The following COLEC10 variants were observed in gnomAD, a reference collection of about 807,000 sequenced individuals.
COLEC10 encodes collectin subfamily member 10.
In COLEC10, 22 loss-of-function variants were observed where a neutral mutation model predicts 28.4. The observed-to-expected ratio is 0.78, with a 90% CI of 0.55 to 1.11. The LOEUF (loss-of-function observed/expected upper bound fraction) is 1.11, where lower values mean the gene tolerates loss of function less well. Among genes scored for constraint, COLEC10 ranks in the 50% least tolerant of loss-of-function variants. The pLI is 0.00. For missense variants in COLEC10, 361 were observed against 344.1 expected, an observed-to-expected ratio of 1.05 and a Z score of -0.39; for synonymous variants, 125 against 116.1, an observed-to-expected ratio of 1.08 and a Z score of -0.49.
chr8:119,042,514 T>C (rs964123200), intron 2 of COLEC10, among the ~76,000 whole-genome samples: 1 of 152,194 alleles, frequency 6.6e-6, no homozygotes, highest in Non-Finnish European at 1.5e-5. Flanking sequence ...TGCCACTTCC[T>C]GGCTTTGTAA....
the COLEC10 span, among the ~76,000 whole-genome samples, chr8:118,973,464 T>C: frequency 0.051 from 7,751 of 152,016 alleles, 301 homozygotes; most frequent in East Asian, 0.17. Flanking sequence ...AGTTCCTTTT[T>C]GGCTGTTGGT....
At chr8:119,057,458 C>T (rs541259484) in intron 2 of COLEC10, among the ~76,000 whole-genome samples, 2 of 152,030 alleles carry the variant, frequency 1.3e-5, no homozygotes, top group East Asian at 1.9e-4. Flanking sequence ...CCTGATCCAA[C>T]CTAGATCAGG....
the COLEC10 span, among the ~76,000 whole-genome samples, chr8:118,977,524 C>G: frequency 1.4e-5 from 2 of 143,644 alleles, no homozygotes; most frequent in Admixed American, 1.4e-4. Context: ...ACCGCATATT[C>G]TCACTCATAG....
upstream of COLEC10, among the ~76,000 whole-genome samples, chr8:118,995,222 G>A (rs1169282590): frequency 6.6e-6 from 1 of 151,562 alleles, no homozygotes; most frequent in African/African-American, 2.4e-5. Flanking sequence ...ATTTGAGCAG[G>A]GTGCTTTGCC....
chr8:119,017,820 TA>T, intron 2 of COLEC10, among the ~76,000 whole-genome samples: 1 of 152,254 alleles, frequency 6.6e-6, no homozygotes, highest in East Asian at 1.9e-4. Flanking sequence ...TAGGACTCAA[TA>T]AATAATTATT....
intron 2 of COLEC10, among the ~76,000 whole-genome samples, chr8:119,010,155 G>A (rs1338354057): frequency 1.3e-5 from 2 of 150,676 alleles, no homozygotes; most frequent in African/African-American, 5.0e-5. Flanking sequence ...AAAATCATCT[G>A]TGTTCTACGT....
intron 2 of COLEC10, among the ~76,000 whole-genome samples, chr8:119,029,364 C>T (rs1316423614): frequency 6.6e-6 from 1 of 152,180 alleles, no homozygotes; most frequent in Non-Finnish European, 1.5e-5. Context: ...ATCAAGTCTT[C>T]AGTCTCTGAA....
At chr8:119,000,461 C>G (rs11995824) in intron 1 of COLEC10, among the ~76,000 whole-genome samples, 98,197 of 151,908 alleles carry the variant, frequency 0.65, 33,325 homozygotes, top group African/African-American at 0.87. Flanking sequence ...CAGGCACAGA[C>G]CAAGTGCACA....
At chr8:119,092,820 C>T (rs1036166073) in intron 3 of COLEC10, among the ~76,000 whole-genome samples, 3 of 151,960 alleles carry the variant, frequency 2.0e-5, no homozygotes, top group Admixed American at 6.6e-5. Context: ...GTACAAGAAT[C>T]GCTTGAACCT....
intron 3 of COLEC10, among the ~76,000 whole-genome samples, chr8:119,095,380 T>C (rs1815691711): frequency 6.6e-6 from 1 of 152,162 alleles, no homozygotes; most frequent in Admixed American, 6.5e-5. Context: ...CCCAGATTGA[T>C]CCATCGACTC....
rs181219266 is a variant in COLEC10, at chr8:119,080,414, G to A, written c.149-9266G>A. On this transcript the variant is annotated intron_variant, in intron 1 of 5. Transcript: ENST00000332843. ...GAACTTACACTTTAATTAAATATTT[G>A]ACATTAATACAAACAGTTAAATAAT... is the stretch of plus-strand genomic sequence containing the variant. Among the ~76,000 whole-genome samples, 46 of 152,140 alleles carry A rather than the reference G, an allele frequency of 3.0e-4. 1 individual carries two copies. The highest frequency in any genetic ancestry group is 1.8e-3 in the Admixed American group (28 of 15,272).
At chr8:119,028,840 C>T (rs1814239448) in intron 2 of COLEC10, among the ~76,000 whole-genome samples, 2 of 152,108 alleles carry the variant, frequency 1.3e-5, no homozygotes, top group South Asian at 2.1e-4. Flanking sequence ...ATCACTATGG[C>T]TAGTTAACAG....
chr8:119,047,201 G>C (rs531828832), intron 2 of COLEC10, among the ~76,000 whole-genome samples: 5 of 152,172 alleles, frequency 3.3e-5, no homozygotes, highest in Non-Finnish European at 7.3e-5. Context: ...AAATAAAAGC[G>C]TATTTGTATC....
chr8:119,005,156 C>T (rs1813771522), intron 1 of COLEC10, among the ~76,000 whole-genome samples: 1 of 152,080 alleles, frequency 6.6e-6, no homozygotes, highest in Admixed American at 6.6e-5. Flanking sequence ...TGCACAATAT[C>T]ACCACCTCTG....
rs538527890 is a variant in COLEC10 at position 119,043,334 on chromosome 8, AC to A, written n.235+33782del. Among the ~76,000 whole-genome samples the A allele has an allele frequency of 3.7e-3, 567 of 152,326 alleles. 4 individuals are homozygous for A. The highest frequency in any genetic ancestry group is 0.012 in the African/African-American group (517 of 41,576). On this transcript the variant is annotated intron_variant and non_coding_transcript_variant, in intron 2 of 6. Coordinates refer to the COLEC10 transcript ENST00000521788. Reference sequence around the variant, plus strand: ...TGCAAGGATTTGTAGACACTAAGAAACAATAGCAGGAAGCCAGAGAATTTGC... The same window carrying A: ...TGCAAGGATTTGTAGACACTAAGAAAAATAGCAGGAAGCCAGAGAATTTGC...
Position 119,076,252 on chromosome 8 carries a change from A to T in COLEC10, c.148+8823A>T, listed in dbSNP as rs1587045099. ...ATAAGACAGGATAGATGTGCTGAGG[A>T]CACAAAATTCTTTTTTTTTTTTTTT... On this transcript the variant is annotated intron_variant, in intron 1 of 5. Coordinates refer to ENST00000332843, the MANE Select transcript of COLEC10 (RefSeq NM_006438.5). Among the ~76,000 whole-genome samples, 4 of 104,978 alleles carry T rather than the reference A, an allele frequency of 3.8e-5. No homozygotes were observed. The South Asian group carries it at 8.9e-4, about 23-fold the overall frequency. 68.9% of individuals were successfully genotyped at this position (104,978 alleles called of 152,430 possible). A position where few individuals can be genotyped will look rare whatever the true frequency, so the allele number is the denominator to read the frequency against.
At chr8:119,043,397 T>C (rs959934057) in intron 2 of COLEC10, among the ~76,000 whole-genome samples, 1 of 152,188 alleles carries the variant, frequency 6.6e-6, no homozygotes, top group African/African-American at 2.4e-5. Context: ...GAAAAGTCCC[T>C]GTAACCAAGA....
At chr8:119,088,414 A>C (rs1257705097) in intron 1 of COLEC10, among the ~76,000 whole-genome samples, 4 of 152,124 alleles carry the variant, frequency 2.6e-5, no homozygotes, top group Non-Finnish European at 5.9e-5. Flanking sequence ...TGGAAATCCA[A>C]CTCTTCCATA....
At chr8:118,988,778 A>G in the COLEC10 span, among the ~76,000 whole-genome samples, 1 of 152,182 alleles carries the variant, frequency 6.6e-6, no homozygotes, top group Non-Finnish European at 1.5e-5. Flanking sequence ...GGAGCCAACA[A>G]CAGAAACTCT....
Sources: gnomAD v4.1 joint callset for allele counts (sites outside exome capture counted in the v4.1 genomes callset) on GRCh38, gnomAD v4.1.1 for gene constraint, MANE v1.5 for transcripts, NCBI Gene and HGNC (gene_info 2026-07-23, HGNC 2026-07-21) for gene names.